The following SETX variants were observed in gnomAD, a reference collection of about 807,000 sequenced individuals.
The protein encoded by SETX is helicase senataxin.
In SETX, 90 loss-of-function variants were observed where a neutral mutation model predicts 227.2. The ratio of observed to expected loss-of-function variants is 0.40; its 90% CI spans 0.33 to 0.47. The LOEUF (loss-of-function observed/expected upper bound fraction) is 0.47, where lower values mean the gene tolerates loss of function less well. Among genes scored for constraint, SETX ranks in the 20% least tolerant of loss-of-function variants. The pLI, the probability that SETX is intolerant of heterozygous loss-of-function variation, is 0.91. For synonymous variants in SETX, 1,210 were observed against 1,113.2 expected, an observed-to-expected ratio of 1.09 and a Z score of -1.73; for missense variants, 3,052 against 3,181.5, an observed-to-expected ratio of 0.96 and a Z score of 0.98.
chr9:132,311,875 C>G lies in SETX; in HGVS notation c.5275-19G>C. ...GTGCCACCTATACAAAGCACAAAAG[C>G]AAATTAAGAAAGCAACATTCTGGAA... On this transcript the variant is annotated intron_variant, in intron 10 of 25. Transcript: ENST00000224140. The G allele has an allele frequency of 1.3e-6, 2 of 1,560,656 alleles. No individual in the cohort carries two copies. Among genetic ancestry groups the G allele is most frequent in the Non-Finnish European group, 1.8e-6 (2 of 1,132,850 alleles).
chr9:132,286,901 C>T (rs1464243087), intron 17 of SETX, among the ~76,000 whole-genome samples: 1 of 152,224 alleles, frequency 6.6e-6, no homozygotes, highest in Non-Finnish European at 1.5e-5. Flanking sequence ...AAACTAACTG[C>T]TTCTTTGGAT....
intron 11 of SETX, among the ~76,000 whole-genome samples, chr9:132,306,400 C>T (rs1305965977): frequency 4.6e-5 from 7 of 152,134 alleles, no homozygotes; most frequent in Admixed American, 6.6e-5. Context: ...TTAGTAGAGA[C>T]GAGGTTTCAC....
rs767515528 is a variant in SETX, at chr9:132,264,846, G to T, written c.7427C>A (p.Pro2476His). The T allele has an allele frequency of 1.1e-5, 18 of 1,614,216 alleles. No individual in the cohort carries two copies. The highest frequency in any genetic ancestry group is 1.5e-5 in the Non-Finnish European group (18 of 1,180,040). ...GGACCCCTCTGGGGCTATGGTAGGA[G>T]GGTGAGTGAGACTTCTCTGCAGCAC... is the stretch of plus-strand genomic sequence containing the variant. ...KPVLQRSLTH[P>H]PTIAPEGSRP... Residue 2476 changes from proline to histidine, a missense_variant, in exon 26 of 26, where the codon CCT becomes CAT. Around this residue, in one of 10 missense-constraint regions of SETX, gnomAD observed 294 missense variants for 278.8 expected, o/e 1.05. Coordinates refer to ENST00000224140, the MANE Select transcript of SETX (RefSeq NM_015046.7).
intron 20 of SETX, among the ~76,000 whole-genome samples, chr9:132,280,007 CAA>C (rs1843407589): frequency 3.3e-5 from 5 of 152,190 alleles, no homozygotes; most frequent in Admixed American, 3.3e-4. Context: ...CCCTAGAATA[CAA>C]ACACCATAAG....
chr9:132,331,716 C>T lies in SETX; in HGVS notation c.839-268G>A, dbSNP rs531739812. ...AGTGGCAAACAAATTACTTAATGGG[C>T]AAGAAAACAGTCTAGGTAAGCACAA... On this transcript the variant is annotated intron_variant, in intron 7 of 25. Transcript: ENST00000224140. Among the ~76,000 whole-genome samples the T allele has an allele frequency of 2.0e-5, 3 of 151,918 alleles. No homozygotes were observed. In the South Asian group the frequency reaches 6.3e-4, roughly 32 times the overall value.
Position 132,328,769 on chromosome 9 carries a change from G to T in SETX, c.2829C>A (p.Ala943=), listed in dbSNP as rs977014252. The T allele has an allele frequency of 6.2e-7, 1 of 1,610,844 alleles. No homozygotes were observed. The highest frequency in any genetic ancestry group is 8.5e-7 in the Non-Finnish European group (1 of 1,178,862). Residue 943 remains alanine, a synonymous_variant, in exon 10 of 26, where the codon GCC becomes GCA. Transcript: ENST00000224140. Reference sequence around the variant, plus strand: ...TGTCAGATTTAGGACTGATGTCAGGGGCCTGTTCTCTTGTCAAGTTAGAAT... The same window carrying T: ...TGTCAGATTTAGGACTGATGTCAGGTGCCTGTTCTCTTGTCAAGTTAGAAT... ...VIYSNLTREQ[A]PDISPKSDTL... is the part of the protein sequence containing the mutation.
intron 7 of SETX, among the ~76,000 whole-genome samples, chr9:132,333,758 G>A (rs1396619781): frequency 6.6e-6 from 1 of 152,206 alleles, no homozygotes; most frequent in African/African-American, 2.4e-5. Context: ...ACTATCTGGA[G>A]CAGCATATCC....
Position 132,295,995 on chromosome 9 carries a change from TG to T in SETX, c.5982del (p.Asn1995MetfsTer23). On this transcript the variant is annotated frameshift_variant, in exon 15 of 26. Transcript: ENST00000224140. LOFTEE classifies it high-confidence loss of function. The stretch of plus-strand genomic sequence containing the variant: ...ACACGGTTTTGTTTGATTTTGGCAT[TG>T]GAGTTTTCGTCTGAATGCCCCTTCC... ...NQRKGHSDEN[S>X]NAKIKQNRVL... is the part of the protein sequence containing the mutation. The T allele has an allele frequency of 6.2e-7, 1 of 1,614,224 alleles. No individual in the cohort carries two copies. Among genetic ancestry groups the T allele is most frequent in the Non-Finnish European group, 8.5e-7 (1 of 1,180,040 alleles).
intron 10 of SETX, among the ~76,000 whole-genome samples, chr9:132,322,192 CTCT>C (rs1363437869): frequency 6.6e-6 from 1 of 151,620 alleles, no homozygotes; most frequent in Admixed American, 6.6e-5. Context: ...CAAATTTATT[CTCT>C]TTTTAAAGTA....
intron 11 of SETX, among the ~76,000 whole-genome samples, chr9:132,302,660 CAAAAAAAAAAA>C (rs35647306): frequency 5.7e-4 from 19 of 33,318 alleles, no homozygotes; most frequent in East Asian, 7.4e-4. Flanking sequence ...GACTTTGTCT[CAAAAAAAAAAA>C]AAAAAAAAGC....
At chr9:132,331,475 A>G (rs1385903967) in intron 7 of SETX, 27 bp from the exon 8 acceptor site, 3 of 1,609,844 alleles carry the variant, frequency 1.9e-6, no homozygotes, top group Non-Finnish European at 2.5e-6. Context: ...CAATCGTTGA[A>G]TTACTAAACA....
chr9:132,264,857 A>G lies in SETX; in HGVS notation c.7416T>C (p.Ser2472=). 1 of 1,614,088 alleles carries G rather than the reference A, an allele frequency of 6.2e-7. No homozygotes were observed. The highest frequency in any genetic ancestry group is 8.5e-7 in the Non-Finnish European group (1 of 1,179,988). Residue 2472 remains serine, a synonymous_variant, in exon 26 of 26, where the codon AGT becomes AGC. Coordinates refer to ENST00000224140, the MANE Select transcript of SETX (RefSeq NM_015046.7). ...ILKLKPVLQR[S]LTHPPTIAPE... is the part of the protein sequence containing the mutation. ...GGGCTATGGTAGGAGGGTGAGTGAG[A>G]CTTCTCTGCAGCACAGGCTTGAGTT... is the stretch of plus-strand genomic sequence containing the variant.
In SETX at chr9:132,264,949, G is replaced by A. The variant is rs1842567103; in HGVS notation, c.7324C>T (p.Gln2442Ter). 6.2e-7 allele frequency: 1 copy of A among 1,614,048 alleles called. No homozygotes were observed. Among genetic ancestry groups the A allele is most frequent in the Non-Finnish European group, 8.5e-7 (1 of 1,180,028 alleles). The change falls in exon 26 of 26, where the codon CAG becomes TAG. Residue 2442 changes from glutamine (Q) to a stop codon, truncating the protein, a stop_gained. Coordinates refer to ENST00000224140, the MANE Select transcript of SETX (RefSeq NM_015046.7). LOFTEE classifies it low-confidence loss of function (END_TRUNC). Reference sequence around the variant, plus strand: ...GTCTTAATAATGGCACCACGCTTCTGAGCATCCTGAATCAGCTGATTCCAA... The same window carrying A: ...GTCTTAATAATGGCACCACGCTTCTAAGCATCCTGAATCAGCTGATTCCAA... Reference protein sequence around the residue: ...QHWNQLIQDAQKRGAIIKTCD... With the variant: ...QHWNQLIQDA
intron 11 of SETX, among the ~76,000 whole-genome samples, chr9:132,302,681 C>CAAAAAAAAAAAAAAAAAAAATAA (rs57673567): frequency 1.3e-5 from 1 of 78,482 alleles, no homozygotes. Context: ...AAAAAAAAAG[C>CAAAAAAAAAAAAAAAAAAAATAA]AAAAAAAAAA....
chr9:132,306,852 TAC>T (rs1180113975), intron 11 of SETX, among the ~76,000 whole-genome samples: 1 of 151,950 alleles, frequency 6.6e-6, no homozygotes, highest in Non-Finnish European at 1.5e-5. Context: ...TAGCAGGGAC[TAC>T]AGAGGCACAG....
At chr9:132,338,143 A>G (rs903924541) in intron 5 of SETX, among the ~76,000 whole-genome samples, 3 of 142,132 alleles carry the variant, frequency 2.1e-5, no homozygotes, top group African/African-American at 7.9e-5. Flanking sequence ...CCAGGCTGGC[A>G]TGCAGTGGCA....
At chr9:132,289,533 C>A (rs554105848) in intron 15 of SETX, among the ~76,000 whole-genome samples, 3 of 152,248 alleles carry the variant, frequency 2.0e-5, no homozygotes, top group African/African-American at 7.2e-5. Context: ...CACTGCACTT[C>A]GGGTACCCTA....
At chr9:132,353,547 C>CTCTG (rs1848713403) in intron 2 of SETX, 102 bp downstream of exon 2, 1 of 151,938 alleles carries the variant, frequency 6.6e-6, no homozygotes, top group African/African-American at 2.4e-5. Context: ...TCCAGTCTAT[C>CTCTG]TCTGATGACC....
At chr9:132,343,405 C>T (rs1589777001) in intron 4 of SETX, among the ~76,000 whole-genome samples, 2 of 152,190 alleles carry the variant, frequency 1.3e-5, no homozygotes, top group East Asian at 3.9e-4. Flanking sequence ...GACCTGTAAC[C>T]ATATGGTTAT....
Sources: gnomAD v4.1 joint callset for allele counts (sites outside exome capture counted in the v4.1 genomes callset) on GRCh38, gnomAD v4.1.1 for gene constraint, gnomAD v4.1.1 regional missense constraint, MANE v1.5 for transcripts, NCBI Gene and HGNC (gene_info 2026-07-23, HGNC 2026-07-21) for gene names.